The following HYCC1 variants were observed in gnomAD, a reference collection of about 807,000 sequenced individuals.
The protein encoded by HYCC1 is hyccin.
chr7:22,917,267 C>T, the HYCC1 span, among the ~76,000 whole-genome samples: 8 of 152,332 alleles, frequency 5.3e-5, no homozygotes, highest in South Asian at 1.7e-3. Flanking sequence ...CTCCTTCCAG[C>T]CTCACAGGCC....
the HYCC1 span, among the ~76,000 whole-genome samples, chr7:22,956,795 T>C: frequency 1.3e-5 from 2 of 151,572 alleles, no homozygotes; most frequent in African/African-American, 4.8e-5. Flanking sequence ...AAAATAAAAA[T>C]AAAAAACAGA....
At chr7:22,921,538 C>T in the HYCC1 span, among the ~76,000 whole-genome samples, 1 of 151,368 alleles carries the variant, frequency 6.6e-6, no homozygotes, top group African/African-American at 2.4e-5. Flanking sequence ...AACAATAGCA[C>T]AAAAAAAGGG....
chr7:22,977,441 T>C, the HYCC1 span: 21 of 1,281,992 alleles, frequency 1.6e-5, no homozygotes, highest in African/African-American at 2.8e-4. Context: ...TGAAAGAAAA[T>C]ATATTAAAAT....
chr7:22,968,711 T>C, the HYCC1 span, among the ~76,000 whole-genome samples: 7 of 152,172 alleles, frequency 4.6e-5, no homozygotes, highest in East Asian at 1.4e-3. Context: ...TGTAAGGGCC[T>C]GGCACGGTGG....
the HYCC1 span, among the ~76,000 whole-genome samples, chr7:22,965,025 T>C: frequency 2.6e-5 from 4 of 151,344 alleles, no homozygotes; most frequent in African/African-American, 9.7e-5. Context: ...TCCCAGCTAC[T>C]AGGGAGGCTG....
chr7:22,896,916 C>A, the HYCC1 span, among the ~76,000 whole-genome samples: 2 of 152,176 alleles, frequency 1.3e-5, no homozygotes, highest in African/African-American at 4.8e-5. Context: ...AAAGCCCCCA[C>A]TTTATAAGCT....
the HYCC1 span, among the ~76,000 whole-genome samples, chr7:22,927,352 T>C: frequency 6.7e-6 from 1 of 148,404 alleles, no homozygotes; most frequent in Non-Finnish European, 1.5e-5. Context: ...CTGAAGGAAA[T>C]AGAGACACAA....
At chr7:22,897,539 G>T in the HYCC1 span, among the ~76,000 whole-genome samples, 2 of 152,216 alleles carry the variant, frequency 1.3e-5, no homozygotes, top group African/African-American at 4.8e-5. Context: ...GCACGGCACT[G>T]TTGTGAGAAT....
At chr7:22,949,774 A>C in the HYCC1 span, among the ~76,000 whole-genome samples, 1 of 152,068 alleles carries the variant, frequency 6.6e-6, no homozygotes, top group Admixed American at 6.6e-5. Flanking sequence ...CAGCCCAAGA[A>C]GTAATGATAT....
chr7:22,989,591 G>C, the HYCC1 span, among the ~76,000 whole-genome samples: 1 of 151,764 alleles, frequency 6.6e-6, no homozygotes. Flanking sequence ...CTCCTGGCCT[G>C]AAGCAATCCT....
chr7:22,896,722 A>T, the HYCC1 span, among the ~76,000 whole-genome samples: 1 of 151,692 alleles, frequency 6.6e-6, no homozygotes, highest in African/African-American at 2.4e-5. Flanking sequence ...TTCCATCTGT[A>T]TTTTTTTTCC....
the HYCC1 span, among the ~76,000 whole-genome samples, chr7:23,004,532 A>G: frequency 6.6e-6 from 1 of 152,156 alleles, no homozygotes. Context: ...TGTATGACAT[A>G]TTTGATGTTC....
the HYCC1 span, among the ~76,000 whole-genome samples, chr7:22,902,972 C>A: frequency 6.6e-6 from 1 of 152,014 alleles, no homozygotes; most frequent in Non-Finnish European, 1.5e-5. Flanking sequence ...AAAAGGTATT[C>A]AATAACATTA....
At chr7:22,990,388 C>A in the HYCC1 span, among the ~76,000 whole-genome samples, 8 of 152,124 alleles carry the variant, frequency 5.3e-5, no homozygotes, top group Non-Finnish European at 1.2e-4. Context: ...TAACTTTGTC[C>A]TTATAGGTCT....
At chr7:22,947,899 T>C in the HYCC1 span, among the ~76,000 whole-genome samples, 5 of 152,260 alleles carry the variant, frequency 3.3e-5, no homozygotes, top group East Asian at 9.7e-4. Flanking sequence ...GTGGCTGTGA[T>C]ATAGTTAAGC....
At chr7:22,984,662 CAG>C in the HYCC1 span, among the ~76,000 whole-genome samples, 28 of 152,260 alleles carry the variant, frequency 1.8e-4, no homozygotes, top group South Asian at 1.9e-3. Context: ...GTCAACGCTG[CAG>C]AGAGCCATGA....
chr7:22,973,030 C>G, the HYCC1 span, among the ~76,000 whole-genome samples: 2 of 152,136 alleles, frequency 1.3e-5, no homozygotes, highest in African/African-American at 4.8e-5. Flanking sequence ...ATCCTTTCTC[C>G]TAGATGACCC....
At chr7:22,961,869 G>C in the HYCC1 span, among the ~76,000 whole-genome samples, 14 of 152,120 alleles carry the variant, frequency 9.2e-5, no homozygotes, top group South Asian at 2.9e-3. Flanking sequence ...GTGTGTGTGT[G>C]TGCATGTGTG....
chr7:22,980,553 TC>T, the HYCC1 span, among the ~76,000 whole-genome samples: 2 of 152,212 alleles, frequency 1.3e-5, no homozygotes, highest in African/African-American at 4.8e-5. Flanking sequence ...TCAAAAATGT[TC>T]TTTAATGACT....
Sources: gnomAD v4.1 joint callset for allele counts (sites outside exome capture counted in the v4.1 genomes callset) on GRCh38, gnomAD v4.1.1 for gene constraint, MANE v1.5 for transcripts, NCBI Gene and HGNC (gene_info 2026-07-23, HGNC 2026-07-21) for gene names.